The following SCHIP1 variants were observed in gnomAD, a reference collection of about 807,000 sequenced individuals.
The protein encoded by SCHIP1 is schwannomin interacting protein 1.
In SCHIP1, 8 loss-of-function variants were observed where a neutral mutation model predicts 29.7. The observed-to-expected ratio is 0.27, with a 90% CI of 0.16 to 0.49. The LOEUF (loss-of-function observed/expected upper bound fraction) is 0.49. SCHIP1 is among the 20% of genes least tolerant of loss of function. SCHIP1 has a pLI of 0.99. For missense variants in SCHIP1, 193 were observed against 294.6 expected (o/e 0.66, Z 2.52); for synonymous variants, 76 against 94.9 (o/e 0.80, Z 1.16).
the SCHIP1 span, among the ~76,000 whole-genome samples, chr3:159,517,077 AG>A: frequency 6.6e-6 from 1 of 152,178 alleles, no homozygotes; most frequent in African/African-American, 2.4e-5. Context: ...ATCAGCCAGC[AG>A]GTATTCTGAA....
the SCHIP1 span, among the ~76,000 whole-genome samples, chr3:159,632,208 T>C: frequency 1.3e-5 from 2 of 152,164 alleles, no homozygotes; most frequent in African/African-American, 2.4e-5. Flanking sequence ...TTGGAGGAGA[T>C]GTAGCCTGAA....
the SCHIP1 span, among the ~76,000 whole-genome samples, chr3:159,443,774 T>A: frequency 8.5e-5 from 13 of 152,222 alleles, no homozygotes; most frequent in African/African-American, 3.1e-4. Context: ...CCCAAAGTGC[T>A]GGAATTATAG....
chr3:159,638,263 CTG>C, the SCHIP1 span, among the ~76,000 whole-genome samples: 1 of 152,204 alleles, frequency 6.6e-6, no homozygotes, highest in Non-Finnish European at 1.5e-5. Flanking sequence ...TCTCTCAGCT[CTG>C]TCACTCTACA....
the SCHIP1 span, among the ~76,000 whole-genome samples, chr3:159,344,145 C>A: frequency 3.3e-5 from 5 of 151,866 alleles, no homozygotes; most frequent in Admixed American, 3.3e-4. Flanking sequence ...CCAGCCTGAC[C>A]AACATGTCTC....
At chr3:159,803,721 G>C in the SCHIP1 span, among the ~76,000 whole-genome samples, 1 of 152,198 alleles carries the variant, frequency 6.6e-6, no homozygotes. Flanking sequence ...GGAAGTGTAT[G>C]TATACATTGG....
the SCHIP1 span, among the ~76,000 whole-genome samples, chr3:159,772,748 A>G: frequency 6.6e-6 from 1 of 151,920 alleles, no homozygotes; most frequent in East Asian, 1.9e-4. Context: ...TTATTTATTT[A>G]TTTATTTTTT....
At chr3:159,494,090 C>G in the SCHIP1 span, among the ~76,000 whole-genome samples, 3 of 152,174 alleles carry the variant, frequency 2.0e-5, no homozygotes, top group Non-Finnish European at 4.4e-5. Context: ...ATCTCTGGAA[C>G]ATATTCAAAG....
chr3:159,607,515 C>T, the SCHIP1 span, among the ~76,000 whole-genome samples: 1 of 152,030 alleles, frequency 6.6e-6, no homozygotes, highest in African/African-American at 2.4e-5. Context: ...ATGAGGGGGC[C>T]CTTTCTTTCT....
the SCHIP1 span, among the ~76,000 whole-genome samples, chr3:159,688,398 T>C: frequency 6.6e-6 from 1 of 152,256 alleles, no homozygotes; most frequent in Admixed American, 6.5e-5. Context: ...ATAAATGTCT[T>C]CTTTTGAGAA....
chr3:159,667,952 A>G, the SCHIP1 span, among the ~76,000 whole-genome samples: 1 of 152,230 alleles, frequency 6.6e-6, no homozygotes, highest in African/African-American at 2.4e-5. Context: ...TATTGCTTTA[A>G]GGAAAAAGTT....
chr3:159,438,284 A>G, the SCHIP1 span, among the ~76,000 whole-genome samples: 1 of 152,072 alleles, frequency 6.6e-6, no homozygotes, highest in Non-Finnish European at 1.5e-5. Context: ...AGCACTTAAG[A>G]CTACAGAAGC....
the SCHIP1 span, among the ~76,000 whole-genome samples, chr3:159,773,184 G>T: frequency 1.3e-5 from 2 of 152,184 alleles, no homozygotes; most frequent in African/African-American, 4.8e-5. Flanking sequence ...TTCCTTAGTT[G>T]CTTGATGCTC....
At chr3:159,795,725 T>G in the SCHIP1 span, among the ~76,000 whole-genome samples, 1 of 152,146 alleles carries the variant, frequency 6.6e-6, no homozygotes, top group African/African-American at 2.4e-5. Flanking sequence ...ATTAGAAATT[T>G]GCCAGGAGGA....
chr3:159,666,988 G>A, the SCHIP1 span, among the ~76,000 whole-genome samples: 1 of 152,204 alleles, frequency 6.6e-6, no homozygotes, highest in East Asian at 1.9e-4. Flanking sequence ...GTAAATGGAG[G>A]TAAAATGTTA....
At chr3:159,387,768 A>G in the SCHIP1 span, among the ~76,000 whole-genome samples, 1 of 152,184 alleles carries the variant, frequency 6.6e-6, no homozygotes, top group South Asian at 2.1e-4. Flanking sequence ...TACACACATT[A>G]TACACAAAAA....
intron 2 of SCHIP1, among the ~76,000 whole-genome samples, chr3:159,876,637 C>T (rs1484376407): frequency 4.6e-5 from 7 of 152,294 alleles, no homozygotes; most frequent in East Asian, 1.9e-4. Flanking sequence ...GCCATTTAAA[C>T]GGTGACACAT....
the SCHIP1 span, among the ~76,000 whole-genome samples, chr3:159,473,829 T>C: frequency 6.6e-6 from 1 of 152,070 alleles, no homozygotes; most frequent in African/African-American, 2.4e-5. Flanking sequence ...AAAAATAAAT[T>C]CTTGAAATCA....
At chr3:159,553,498 A>G in the SCHIP1 span, among the ~76,000 whole-genome samples, 16 of 152,220 alleles carry the variant, frequency 1.1e-4, no homozygotes, top group South Asian at 8.3e-4. Flanking sequence ...ACTCTAGAAG[A>G]AAAACAAATA....
the SCHIP1 span, among the ~76,000 whole-genome samples, chr3:159,606,089 C>CATT: frequency 6.6e-6 from 1 of 152,190 alleles, no homozygotes; most frequent in Non-Finnish European, 1.5e-5. Flanking sequence ...TCATAAAATA[C>CATT]TGCAGAATTG....
Sources: gnomAD v4.1 joint callset for allele counts (sites outside exome capture counted in the v4.1 genomes callset) on GRCh38, gnomAD v4.1.1 for gene constraint, MANE v1.5 for transcripts, NCBI Gene and HGNC (gene_info 2026-07-23, HGNC 2026-07-21) for gene names.